ADAMTSL1: variants seen among roughly 807,000 people sequenced by gnomAD.
ADAMTSL1 encodes ADAMTS like 1.
Under a neutral mutation model 201.8 loss-of-function variants are expected in ADAMTSL1, and 126 were observed. That is an observed-to-expected ratio of 0.62 (90% CI 0.54 to 0.72). The LOEUF is 0.72. ADAMTSL1 is among the 30% of genes least tolerant of loss of function. The pLI, the probability that ADAMTSL1 is intolerant of heterozygous loss-of-function variation, is 0.00. For missense variants in ADAMTSL1, 2,679 were observed against 2,277.8 expected (o/e 1.18, Z -3.59); for synonymous variants, 1,121 against 903.4 (o/e 1.24, Z -4.32).
rs145372035 is a variant in ADAMTSL1, at chr9:18,119,457, C to T, written c.88-44405C>T. 5.1e-3 allele frequency among the ~76,000 whole-genome samples: 774 copies of T among 152,046 alleles called. 9 individuals carry two copies. Among genetic ancestry groups the T allele is most frequent in the African/African-American group, 0.018 (739 of 41,492 alleles). On this transcript the variant is annotated intron_variant, in intron 1 of 29. Transcript: ENST00000680146. ...CTGAGACTACAGGTGTGTGCCACCACGCCCAGCTAATTTTTGTATTTTTCA... is the reference window on the plus strand; with the variant it reads ...CTGAGACTACAGGTGTGTGCCACCATGCCCAGCTAATTTTTGTATTTTTCA...
Position 18,906,925 on chromosome 9 carries a change from C to T in ADAMTSL1, c.5182+13C>T, listed in dbSNP as rs1223900765. The T allele has an allele frequency of 9.9e-6, 16 of 1,613,652 alleles. No individual in the cohort carries two copies. The highest frequency in any genetic ancestry group is 1.4e-5 in the Non-Finnish European group (16 of 1,179,696). On this transcript the variant is annotated intron_variant, in intron 28 of 28. Coordinates refer to ENST00000380548, the MANE Select transcript of ADAMTSL1 (RefSeq NM_001040272.6). ...CCATGTGAAAACAGTATGTTCCAAC[C>T]CCAAAGAACCTTCTGCAAATTCCCC...
chr9:18,546,080 CCTT>C (rs2132187168), intron 3 of ADAMTSL1, among the ~76,000 whole-genome samples: 1 of 152,096 alleles, frequency 6.6e-6, no homozygotes, highest in East Asian at 1.9e-4. Flanking sequence ...GCAGTCTTGT[CCTT>C]CTTATGTTTT....
At chr9:18,332,939 TG>T (rs1835090626) in intron 2 of ADAMTSL1, among the ~76,000 whole-genome samples, 1 of 152,164 alleles carries the variant, frequency 6.6e-6, no homozygotes, top group Non-Finnish European at 1.5e-5. Flanking sequence ...TTTCATCATC[TG>T]TAAGCGTATG....
intron 1 of ADAMTSL1, among the ~76,000 whole-genome samples, chr9:17,956,047 C>A (rs1270748154): frequency 1.3e-5 from 2 of 152,112 alleles, no homozygotes; most frequent in African/African-American, 4.8e-5. Context: ...AAATGACAAC[C>A]AAATACTGTG....
intron 3 of ADAMTSL1, among the ~76,000 whole-genome samples, chr9:18,563,876 C>G (rs535704279): frequency 9.8e-5 from 15 of 152,312 alleles, no homozygotes; most frequent in African/African-American, 3.1e-4. Context: ...CAAGCTCCAG[C>G]ATTTCAGGTC....
chr9:18,171,439 T>A (rs895847060), intron 2 of ADAMTSL1, among the ~76,000 whole-genome samples: 1 of 152,082 alleles, frequency 6.6e-6, no homozygotes, highest in African/African-American at 2.4e-5. Flanking sequence ...AACATTTTAA[T>A]GGCATAGAAA....
chr9:18,339,883 A>G (rs1014352867), intron 2 of ADAMTSL1, among the ~76,000 whole-genome samples: 3 of 152,058 alleles, frequency 2.0e-5, no homozygotes, highest in African/African-American at 7.2e-5. Flanking sequence ...TTTCTGCCCC[A>G]TCTCTCTCTT....
chr9:18,190,073 T>C (rs894032307), intron 2 of ADAMTSL1, among the ~76,000 whole-genome samples: 3 of 152,180 alleles, frequency 2.0e-5, no homozygotes, highest in Non-Finnish European at 4.4e-5. Context: ...ATAAGTAACC[T>C]CTAAGGGGAT....
At chr9:18,450,824 C>G (rs1291839215) in intron 2 of ADAMTSL1, among the ~76,000 whole-genome samples, 3 of 152,172 alleles carry the variant, frequency 2.0e-5, no homozygotes, top group Non-Finnish European at 4.4e-5. Context: ...ATTGTCCACT[C>G]TACAGTATAT....
At chr9:18,891,042 G>A (rs7030565) in intron 25 of ADAMTSL1, among the ~76,000 whole-genome samples, 45,032 of 151,802 alleles carry the variant, frequency 0.3, 9,308 homozygotes, top group African/African-American at 0.59. Context: ...GGAAATCTGC[G>A]TTCAGTCATC....
intron 2 of ADAMTSL1, among the ~76,000 whole-genome samples, chr9:18,425,859 GAA>G (rs71304881): frequency 3.2e-4 from 30 of 94,614 alleles, no homozygotes; most frequent in African/African-American, 1.3e-3. Context: ...CCTGTCTCAA[GAA>G]AAAAAAAAAA....
intron 1 of ADAMTSL1, among the ~76,000 whole-genome samples, chr9:17,957,775 G>T (rs1827986641): frequency 6.6e-6 from 1 of 152,164 alleles, no homozygotes; most frequent in Non-Finnish European, 1.5e-5. Flanking sequence ...TGCAGAGAAG[G>T]CTGTGTGAAA....
chr9:18,460,325 G>A (rs1296971509), intron 2 of ADAMTSL1, among the ~76,000 whole-genome samples: 3 of 152,132 alleles, frequency 2.0e-5, no homozygotes, highest in African/African-American at 7.2e-5. Flanking sequence ...ACTCCACGGC[G>A]AAATCCCTGT....
Position 18,439,237 on chromosome 9 carries a change from A to G in ADAMTSL1, c.208-65592A>G, listed in dbSNP as rs1429889662. 2.6e-5 allele frequency among the ~76,000 whole-genome samples: 4 copies of G among 152,100 alleles called. 1 individual carries two copies. ...GTTCCTATGTCTTCATTTTCCTTTC[A>G]TGTGTTCCAGTAAGGCATTAAAGAA... On this transcript the variant is annotated intron_variant, in intron 2 of 29. Coordinates refer to the ADAMTSL1 transcript ENST00000680146.
intron 17 of ADAMTSL1, among the ~76,000 whole-genome samples, chr9:18,771,307 T>A (rs1417387161): frequency 6.6e-6 from 1 of 152,236 alleles, no homozygotes; most frequent in Non-Finnish European, 1.5e-5. Flanking sequence ...CTGCTTCCTA[T>A]CAAGAGAATT....
intron 9 of ADAMTSL1, 101 bp from the exon 10 acceptor site, chr9:18,675,756 A>C: frequency 2.0e-6 from 2 of 1,013,846 alleles, no homozygotes; most frequent in Non-Finnish European, 3.0e-6. Context: ...TATTAATGTT[A>C]TTTTGCATTT....
At chr9:18,115,961 C>G (rs1825231928) in intron 1 of ADAMTSL1, among the ~76,000 whole-genome samples, 1 of 152,138 alleles carries the variant, frequency 6.6e-6, no homozygotes, top group Non-Finnish European at 1.5e-5. Context: ...GTGATAGCTT[C>G]TGCTGCATTC....
intron 2 of ADAMTSL1, among the ~76,000 whole-genome samples, chr9:18,369,557 G>C (rs1836946213): frequency 6.6e-6 from 1 of 152,100 alleles, no homozygotes; most frequent in Non-Finnish European, 1.5e-5. Context: ...ACCACTATGG[G>C]AAACAGGATA....
At chr9:18,017,617 C>G (rs985499044) in intron 1 of ADAMTSL1, among the ~76,000 whole-genome samples, 3 of 151,954 alleles carry the variant, frequency 2.0e-5, no homozygotes, top group Admixed American at 2.0e-4. Flanking sequence ...GTTGGAAATC[C>G]TGTCTTTAGA....
Sources: gnomAD v4.1 joint callset for allele counts (sites outside exome capture counted in the v4.1 genomes callset) on GRCh38, gnomAD v4.1.1 for gene constraint, MANE v1.5 for transcripts, NCBI Gene and HGNC (gene_info 2026-07-23, HGNC 2026-07-21) for gene names.